AIMP1: variants seen among roughly 807,000 people sequenced by gnomAD.
AIMP1 encodes aminoacyl tRNA synthase complex-interacting multifunctional protein 1.
Under a neutral mutation model 33.1 loss-of-function variants are expected in AIMP1, and 24 were observed. That is an observed-to-expected ratio of 0.73 (90% CI 0.53 to 1.02). The LOEUF (loss-of-function observed/expected upper bound fraction) is 1.02, where lower values mean the gene tolerates loss of function less well. Among genes scored for constraint, AIMP1 ranks in the 50% least tolerant of loss-of-function variants. AIMP1 has a pLI of 0.00. For missense variants in AIMP1, 367 were observed against 364.8 expected, an observed-to-expected ratio of 1.01 and a Z score of -0.05; for synonymous variants, 120 against 121.5, an observed-to-expected ratio of 0.99 and a Z score of 0.08.
At chr4:106,321,570 C>G (rs924376997) in intron 1 of AIMP1, 35 of 153,686 alleles carry the variant, frequency 2.3e-4, no homozygotes, top group African/African-American at 8.3e-4. Flanking sequence ...CGGCCCCGTC[C>G]GGGAGGTGGG....
At chr4:106,337,084 A>C in intron 6 of AIMP1, 47 bp downstream of exon 6, 1 of 1,529,530 alleles carries the variant, frequency 6.5e-7, no homozygotes, top group Non-Finnish European at 9.1e-7. Context: ...ATCAGTTCTC[A>C]AAGTGATGTT....
chr4:106,328,041 T>A, intron 3 of AIMP1, 35 bp from the exon 4 acceptor site: 1 of 1,605,952 alleles, frequency 6.2e-7, no homozygotes, highest in Non-Finnish European at 8.5e-7. Context: ...TTTATTGGTT[T>A]AATATGAATG....
intron 1 of AIMP1, among the ~76,000 whole-genome samples, chr4:106,322,383 C>T (rs1382754856): frequency 1.3e-5 from 2 of 151,986 alleles, no homozygotes; most frequent in Admixed American, 6.6e-5. Context: ...GGTATATATA[C>T]CCATGTTCCT....
chr4:106,340,471 G>T (rs1314242432), intron 6 of AIMP1, among the ~76,000 whole-genome samples: 1 of 152,042 alleles, frequency 6.6e-6, no homozygotes, highest in Non-Finnish European at 1.5e-5. Context: ...AGTGCATTTT[G>T]TTTCCATCTT....
At chr4:106,345,658 T>G (rs1770268516) in intron 6 of AIMP1, among the ~76,000 whole-genome samples, 1 of 151,908 alleles carries the variant, frequency 6.6e-6, no homozygotes, top group Non-Finnish European at 1.5e-5. Context: ...AATTAACTAC[T>G]CTGTTATCTC....
At chr4:106,319,870 A>G (rs1340221550) in intron 1 of AIMP1, among the ~76,000 whole-genome samples, 2 of 152,208 alleles carry the variant, frequency 1.3e-5, no homozygotes, top group Non-Finnish European at 2.9e-5. Flanking sequence ...TCGTAATTAT[A>G]TCCTTTAGAG....
rs556047777 is a variant in AIMP1 at position 106,346,489 on chromosome 4, G to A, written c.773-1037G>A. Among the ~76,000 whole-genome samples, 88 of 152,230 alleles carry A rather than the reference G, an allele frequency of 5.8e-4. 1 individual carries two copies. In the South Asian group the frequency reaches 0.017, roughly 30 times the overall value. On this transcript the variant is annotated intron_variant, in intron 6 of 6. Coordinates refer to ENST00000672341, the MANE Select transcript of AIMP1 (RefSeq NM_001142416.2). ...TACTTAAAATTAGAGTCAGAGTTATGTGAATTTTAGGCAACAATATATGTT... is the reference window on the plus strand; with the variant it reads ...TACTTAAAATTAGAGTCAGAGTTATATGAATTTTAGGCAACAATATATGTT...
At chr4:106,332,798 T>G (rs1443864097) in intron 5 of AIMP1, among the ~76,000 whole-genome samples, 1 of 151,958 alleles carries the variant, frequency 6.6e-6, no homozygotes, top group Non-Finnish European at 1.5e-5. Flanking sequence ...AAGGTGGAGT[T>G]AGTCATGAAA....
chr4:106,334,692 TAGGGAAAGAATCTAGTAAGTATTG>T (rs1769808957), intron 5 of AIMP1, among the ~76,000 whole-genome samples: 1 of 151,944 alleles, frequency 6.6e-6, no homozygotes, highest in African/African-American at 2.4e-5. Context: ...AAGAGAAAAA[TAGGGAAAGAATCTAGTAAGTATTG>T]AGGCCAGGAT....
At chr4:106,328,324 G>T in intron 4 of AIMP1, 81 bp downstream of exon 4, 2 of 1,451,580 alleles carry the variant, frequency 1.4e-6, no homozygotes, top group Admixed American at 2.0e-5. Context: ...AATAATAATA[G>T]TATCAAAAGT....
At chr4:106,346,896 T>C (rs984412832) in intron 6 of AIMP1, among the ~76,000 whole-genome samples, 7 of 152,176 alleles carry the variant, frequency 4.6e-5, no homozygotes, top group Non-Finnish European at 1.0e-4. Flanking sequence ...AGAGGTTTAA[T>C]TGGCTCATGG....
intron 6 of AIMP1, among the ~76,000 whole-genome samples, chr4:106,340,113 A>T (rs964597617): frequency 1.3e-5 from 2 of 152,200 alleles, no homozygotes; most frequent in African/African-American, 4.8e-5. Flanking sequence ...CATTTAAAGG[A>T]TATTTATTTG....
chr4:106,346,235 C>T (rs1770291988), intron 6 of AIMP1, among the ~76,000 whole-genome samples: 1 of 152,056 alleles, frequency 6.6e-6, no homozygotes, highest in Non-Finnish European at 1.5e-5. Flanking sequence ...CATTACTTGT[C>T]TTTAAGCCTA....
intron 2 of AIMP1, among the ~76,000 whole-genome samples, chr4:106,326,738 CT>C (rs1350027253): frequency 6.6e-6 from 1 of 151,340 alleles, no homozygotes; most frequent in Admixed American, 6.6e-5. Flanking sequence ...TAATGCTTCT[CT>C]TTTTTTTCAG....
At chr4:106,323,618 A>C (rs551486283) in intron 1 of AIMP1, among the ~76,000 whole-genome samples, 1 of 151,998 alleles carries the variant, frequency 6.6e-6, no homozygotes, top group East Asian at 1.9e-4. Flanking sequence ...AAAAAAAAAA[A>C]AAACTATGCT....
At chr4:106,321,110 C>T (rs1769208509) in intron 1 of AIMP1, among the ~76,000 whole-genome samples, 1 of 152,192 alleles carries the variant, frequency 6.6e-6, no homozygotes, top group South Asian at 2.1e-4. Flanking sequence ...CTCCACCTCC[C>T]AGCCGCCTGC....
At chr4:106,332,281 T>G (rs557128619) in intron 5 of AIMP1, among the ~76,000 whole-genome samples, 1 of 152,102 alleles carries the variant, frequency 6.6e-6, no homozygotes, top group East Asian at 1.9e-4. Context: ...ACAAGTTCAA[T>G]CTCCGTGATC....
At chr4:106,332,820 A>T (rs1408821001) in intron 5 of AIMP1, among the ~76,000 whole-genome samples, 1 of 152,008 alleles carries the variant, frequency 6.6e-6, no homozygotes, top group African/African-American at 2.4e-5. Flanking sequence ...TTCTAACTAC[A>T]GGTGCTATGT....
At position 106,347,964 on chromosome 4, in the gene AIMP1, T is replaced by C. The variant is rs2125931109; in HGVS notation, c.*272T>C. On this transcript the variant is annotated 3_prime_UTR_variant, in exon 7 of 7. Coordinates refer to ENST00000672341, the MANE Select transcript of AIMP1 (RefSeq NM_001142416.2). Reference sequence around the variant, plus strand: ...AGGAATATTGATTAGCAGCTTTTTTTTCTTTATACACATAGATAACTAACT... The same window carrying C: ...AGGAATATTGATTAGCAGCTTTTTTCTCTTTATACACATAGATAACTAACT... 1 of 283,318 alleles carries C rather than the reference T, an allele frequency of 3.5e-6. No homozygotes were observed. The highest frequency in any genetic ancestry group is 8.8e-5 in the East Asian group (1 of 11,410). 17.6% of individuals were successfully genotyped at this position (283,318 alleles called of 1,614,324 possible). A position where few individuals can be genotyped will look rare whatever the true frequency, so the allele number is the denominator to read the frequency against.
Sources: allele counts gnomAD v4.1 joint callset (sites outside exome capture counted in the v4.1 genomes callset), GRCh38; gene constraint gnomAD v4.1.1; transcripts MANE v1.5; gene names NCBI Gene and HGNC (gene_info 2026-07-23, HGNC 2026-07-21).